Variants in ACTR3C observed in about 807,000 individuals in gnomAD.
ACTR3C encodes actin-related protein 3C.
Under a neutral mutation model 26.3 loss-of-function variants are expected in ACTR3C, and 18 were observed. The observed-to-expected ratio is 0.68, with a 90% confidence interval of 0.47 to 1.01. The LOEUF is 1.01. Among genes scored for constraint, ACTR3C ranks in the 50% least tolerant of loss-of-function variants. The probability of loss-of-function intolerance (pLI) is 0.00; values close to 1 mark genes in which losing one functional copy is unlikely to be tolerated. For synonymous variants in ACTR3C, 55 were observed against 94.5 expected (o/e 0.58, Z 2.42); for missense variants, 184 against 250.7 (o/e 0.73, Z 1.80).
chr7:149,999,828 C>T, the ACTR3C span, among the ~76,000 whole-genome samples: 4 of 151,970 alleles, frequency 2.6e-5, no homozygotes, highest in African/African-American at 4.8e-5. Flanking sequence ...GTGGGTCTTT[C>T]CTCTCAGAGT....
At chr7:150,290,466 C>A in intron 3 of ACTR3C, among the ~76,000 whole-genome samples, 1 of 152,048 alleles carries the variant, frequency 6.6e-6, no homozygotes, top group Non-Finnish European at 1.5e-5. Flanking sequence ...GTGGACAACG[C>A]CCACCGCTGG....
At chr7:149,967,442 G>C in the ACTR3C span, among the ~76,000 whole-genome samples, 83 of 152,220 alleles carry the variant, frequency 5.5e-4, no homozygotes, top group African/African-American at 1.3e-3. Context: ...AAAGTGCTGG[G>C]ATTACAGGTG....
chr7:150,152,075 T>A, the ACTR3C span, among the ~76,000 whole-genome samples: 5 of 151,058 alleles, frequency 3.3e-5, no homozygotes, highest in Non-Finnish European at 7.4e-5. Flanking sequence ...TACAATCATG[T>A]CATTTGCAAA....
At chr7:150,026,401 T>A in the ACTR3C span, among the ~76,000 whole-genome samples, 2 of 152,124 alleles carry the variant, frequency 1.3e-5, no homozygotes, top group Non-Finnish European at 2.9e-5. Context: ...ATAGCACTGA[T>A]GTATCTCAGG....
chr7:150,228,114 A>G, the ACTR3C span, among the ~76,000 whole-genome samples: 5 of 152,192 alleles, frequency 3.3e-5, no homozygotes, highest in Non-Finnish European at 5.9e-5. Context: ...TCTTAATATT[A>G]TTGAGTGTTC....
At chr7:149,929,198 C>G in the ACTR3C span, among the ~76,000 whole-genome samples, 77 of 152,036 alleles carry the variant, frequency 5.1e-4, no homozygotes, top group Non-Finnish European at 9.7e-4. Context: ...GAGGCCAAGG[C>G]GGGTGGATTG....
chr7:149,993,339 C>T, the ACTR3C span, among the ~76,000 whole-genome samples: 85 of 152,250 alleles, frequency 5.6e-4, 1 homozygote, highest in East Asian at 0.014. Flanking sequence ...TGGTGCCCTG[C>T]GAGGCCAAGC....
At chr7:150,090,773 G>C in the ACTR3C span, among the ~76,000 whole-genome samples, 1 of 151,620 alleles carries the variant, frequency 6.6e-6, no homozygotes, top group African/African-American at 2.4e-5. Flanking sequence ...TAATTATAAA[G>C]TTGTCACTGC....
At chr7:150,041,306 C>A in the ACTR3C span, 1 of 151,046 alleles carries the variant, frequency 6.6e-6, no homozygotes, top group African/African-American at 2.5e-5. Context: ...TCTCACCTGC[C>A]TTCTGCCCTT....
the ACTR3C span, among the ~76,000 whole-genome samples, chr7:149,896,034 C>CAAAAA: frequency 1.8e-4 from 15 of 83,048 alleles, no homozygotes; most frequent in South Asian, 1.6e-3. Context: ...CCTGTCTCTA[C>CAAAAA]AAAAAAAAAA....
At chr7:150,215,358 A>G in the ACTR3C span, among the ~76,000 whole-genome samples, 1 of 152,146 alleles carries the variant, frequency 6.6e-6, no homozygotes, top group Non-Finnish European at 1.5e-5. Context: ...GATGTTCCTC[A>G]CCAGAAAATG....
At chr7:150,103,062 GGTGTGTGTGTATGTGTGT>G in the ACTR3C span, among the ~76,000 whole-genome samples, 1 of 142,226 alleles carries the variant, frequency 7.0e-6, no homozygotes, top group African/African-American at 2.9e-5. Context: ...ATACAAAACA[GGTGTGTGTGTATGTGTGT>G]GTGTGTGTGT....
chr7:150,038,695 A>C, the ACTR3C span, among the ~76,000 whole-genome samples: 5 of 140,082 alleles, frequency 3.6e-5, 1 homozygote, highest in East Asian at 2.0e-4. Context: ...TTGGACACCT[A>C]ACACCCACAG....
At chr7:150,282,065 A>T (rs1344458481) in intron 6 of ACTR3C, among the ~76,000 whole-genome samples, 2 of 143,390 alleles carry the variant, frequency 1.4e-5, no homozygotes, top group East Asian at 4.0e-4. Flanking sequence ...AGTCATCAAG[A>T]CCCATACTTT....
the ACTR3C span, among the ~76,000 whole-genome samples, chr7:150,041,617 C>T: frequency 3.8e-4 from 48 of 125,706 alleles, no homozygotes; most frequent in Middle Eastern, 5.4e-3. Context: ...GCTCTCAGTC[C>T]CTGCCTCGCG....
At chr7:149,985,884 T>C in the ACTR3C span, among the ~76,000 whole-genome samples, 32 of 152,176 alleles carry the variant, frequency 2.1e-4, no homozygotes, top group African/African-American at 7.5e-4. Context: ...TTCAGGTCTT[T>C]CTCTTTGGTT....
rs1192764981 is a variant in ACTR3C at position 150,250,202 on chromosome 7, C to CTTTTTT, written c.565-1154_565-1149dup. 3.4e-4 allele frequency among the ~76,000 whole-genome samples: 43 copies of CTTTTTT among 125,486 alleles called. 2 individuals are homozygous for CTTTTTT. Among genetic ancestry groups the CTTTTTT allele is most frequent in the African/African-American group, 1.3e-3 (38 of 29,310 alleles). 82.3% of individuals were successfully genotyped at this position (125,486 alleles called of 152,430 possible). A position where few individuals can be genotyped will look rare whatever the true frequency, so the allele number is the denominator to read the frequency against. On this transcript the variant is annotated intron_variant, in intron 6 of 7. Coordinates refer to ENST00000683684, the MANE Select transcript of ACTR3C (RefSeq NM_001164458.2). ...ATGAGCAAGAAATGACAGAATCTGA[C>CTTTTTT]TTTTTTTTTTTTTTTTTTTGAGACG...
the ACTR3C span, among the ~76,000 whole-genome samples, chr7:150,181,994 A>T: frequency 3.7e-4 from 56 of 150,544 alleles, no homozygotes; most frequent in Non-Finnish European, 5.3e-4. Flanking sequence ...ATTACACTAG[A>T]ATGGACACAA....
chr7:150,117,694 A>T, the ACTR3C span, among the ~76,000 whole-genome samples: 3 of 152,242 alleles, frequency 2.0e-5, no homozygotes, highest in Admixed American at 1.3e-4. Context: ...CCAGCTCTGA[A>T]GAGAGCAGTG....
Sources: allele counts gnomAD v4.1 joint callset (sites outside exome capture counted in the v4.1 genomes callset), GRCh38; gene constraint gnomAD v4.1.1; transcripts MANE v1.5; gene names NCBI Gene and HGNC (gene_info 2026-07-23, HGNC 2026-07-21).